ATP13A1: variants seen among roughly 807,000 people sequenced by gnomAD.
ATP13A1 encodes the protein ATPase 13A1.
ATP13A1 carries 55 observed loss-of-function variants against 134.8 expected under a neutral mutation model. The ratio of observed to expected loss-of-function variants is 0.41; its 90% CI spans 0.33 to 0.51. The LOEUF (loss-of-function observed/expected upper bound fraction) is 0.51. Ranked by LOEUF, ATP13A1 falls within the 20% of genes least tolerant of loss-of-function variation. ATP13A1 has a pLI of 0.29. For missense variants in ATP13A1, 1,389 were observed against 1,652.8 expected, an observed-to-expected ratio of 0.84 and a Z score of 2.77; for synonymous variants, 775 against 725.1, an observed-to-expected ratio of 1.07 and a Z score of -1.10.
intron 19 of ATP13A1, among the ~76,000 whole-genome samples, chr19:19,648,432 A>G: frequency 6.6e-6 from 1 of 151,666 alleles, no homozygotes; most frequent in East Asian, 1.9e-4. Flanking sequence ...GCAGATAAAT[A>G]TTGGAAAAGC....
rs935400158 is a variant in ATP13A1, at chr19:19,653,505, C to A, written c.2100+279G>T. ...TGAGAGGGCTGAGGATGCCACCTAG[C>A]CCTGCCCAAGACCAGGGCAAAAGAG... On this transcript the variant is annotated intron_variant, in intron 15 of 25. Coordinates refer to ENST00000357324, the MANE Select transcript of ATP13A1 (RefSeq NM_020410.3). The surrounding 1 kb of genome is among the most constrained non-coding windows in gnomAD (Gnocchi z 4.2). The A allele has an allele frequency of 8.6e-5, 42 of 489,972 alleles. 1 individual carries two copies. The Middle Eastern group carries it at 1.6e-3, about 19-fold the overall frequency. 30.4% of individuals were successfully genotyped at this position (489,972 alleles called of 1,614,324 possible).
In ATP13A1 at chr19:19,645,242, T is replaced by C. The variant is rs73537247; in HGVS notation, c.*180A>G. The C allele has an allele frequency of 0.016, 10,791 of 659,882 alleles. 887 individuals carry two copies. In the African/African-American group the frequency reaches 0.17, roughly 11 times the overall value. The allele number at this position is 659,882 out of a possible 1,614,324, so 40.9% of individuals were successfully genotyped here. A position where few individuals can be genotyped will look rare whatever the true frequency, so the allele number is the denominator to read the frequency against. On this transcript the variant is annotated 3_prime_UTR_variant, in exon 26 of 26. Coordinates refer to ENST00000357324, the MANE Select transcript of ATP13A1 (RefSeq NM_020410.3). The surrounding 1 kb of genome is among the most constrained non-coding windows in gnomAD (Gnocchi z 4.1). ...TGCTTTATTTACCAAAGGTGCTGGC[T>C]TGGGGCTGGTTCTGCTGGCCAAGCC...
In ATP13A1 at chr19:19,651,794, C is replaced by A; in HGVS notation, c.2230G>T (p.Val744Phe). The change falls in exon 17 of 26, where the codon GTC (valine) becomes TTC (phenylalanine). Residue 744 changes from valine to phenylalanine, a missense_variant. Around this residue, in one of 4 missense-constraint regions of ATP13A1, gnomAD observed 747 missense variants for 956.1 expected, o/e 0.78. Transcript: ENST00000357324. ...REIQNASHRV[V>F]MITGDNPLTA... Reference sequence around the variant, plus strand: ...AGCGGGTTGTCTCCCGTGATCATGACCACCTTGGGTAAAGAGGGGCAGAGG... The same window carrying A: ...AGCGGGTTGTCTCCCGTGATCATGAACACCTTGGGTAAAGAGGGGCAGAGG... 6.2e-7 allele frequency: 1 copy of A among 1,611,580 alleles called. No individual in the cohort carries two copies. The highest frequency in any genetic ancestry group is 2.2e-5 in the East Asian group (1 of 44,762).
chr19:19,653,801 G>C lies in ATP13A1; in HGVS notation c.2083C>G (p.His695Asp). The C allele has an allele frequency of 2.6e-6, 4 of 1,553,248 alleles. No individual in the cohort carries two copies. Among genetic ancestry groups the C allele is most frequent in the Non-Finnish European group, 3.5e-6 (4 of 1,148,148 alleles). The part of the protein sequence containing the change: ...VLALGYKELG[H>D]LTHQQAREVK... ...GCCCGTACCTGCTGGTGAGTGAGGT[G>C]TCCCAGCTCCTTGTACCCCAGCGCC... is the stretch of plus-strand genomic sequence containing the variant. The change falls in exon 15 of 26, where the codon CAC becomes GAC. Residue 695 changes from histidine (H) to aspartate (D), a missense_variant. By Grantham distance (81) the His-to-Asp change is moderately conservative (BLOSUM62 -1). Around this residue, in one of 4 missense-constraint regions of ATP13A1, gnomAD observed 747 missense variants for 956.1 expected, o/e 0.78. Transcript: ENST00000357324. This position sits in a 1 kb window ranked among gnomAD's most constrained non-coding sequence, Gnocchi z 4.2.
At chr19:19,659,829 C>G in intron 2 of ATP13A1, 38 bp from the exon 3 acceptor site, 1 of 1,605,066 alleles carries the variant, frequency 6.2e-7, no homozygotes, top group South Asian at 1.1e-5. Flanking sequence ...AGGCCCCTGA[C>G]CTTGGGGTGT....
intron 3 of ATP13A1, 127 bp downstream of exon 3, chr19:19,659,473 TA>T: frequency 4.0e-6 from 2 of 500,664 alleles, no homozygotes. Flanking sequence ...AAAAATAAAA[TA>T]AAAATAAAAT....
rs577721724 is a variant in ATP13A1, at chr19:19,651,675, G to A, written c.2335+14C>T. On this transcript the variant is annotated intron_variant, in intron 17 of 25. Transcript: ENST00000357324. ...GGTCCCCCTTCCCCACTGTGGGCCAGGCTAGGGCCTCACCTTTCTCGGAGG... is the reference window on the plus strand; with the variant it reads ...GGTCCCCCTTCCCCACTGTGGGCCAAGCTAGGGCCTCACCTTTCTCGGAGG... The A allele has an allele frequency of 2.9e-5, 46 of 1,604,150 alleles. 1 individual carries two copies. In the South Asian group the frequency reaches 4.1e-4, roughly 14 times the overall value.
At chr19:19,654,245 C>G (rs964118229) in intron 13 of ATP13A1, 101 bp from the exon 14 acceptor site, 10 of 1,276,410 alleles carry the variant, frequency 7.8e-6, no homozygotes, top group Non-Finnish European at 1.1e-5. Context: ...CCTGCCTCCC[C>G]CAGGGCCTGA....
rs868433584 is a variant in ATP13A1 at position 19,653,446 on chromosome 19, A to G, written c.2100+338T>C. ...CAAGCGGCAGATGTGCCGGTGGTGGAGGCGGAGGGTGGGCTTTGTGGAGGA... is the reference window on the plus strand; with the variant it reads ...CAAGCGGCAGATGTGCCGGTGGTGGGGGCGGAGGGTGGGCTTTGTGGAGGA... On this transcript the variant is annotated intron_variant, in intron 15 of 25. Transcript: ENST00000357324. This position sits in a 1 kb window ranked among gnomAD's most constrained non-coding sequence, Gnocchi z 4.2. The G allele has an allele frequency of 2.8e-6, 1 of 353,946 alleles. No individual in the cohort carries two copies. The highest frequency in any genetic ancestry group is 5.2e-6 in the Non-Finnish European group (1 of 191,992). 21.9% of individuals were successfully genotyped at this position (353,946 alleles called of 1,614,324 possible).
At chr19:19,662,282 G>C (rs978663213) in intron 1 of ATP13A1, 3 of 985,438 alleles carry the variant, frequency 3.0e-6, no homozygotes, top group Non-Finnish European at 3.6e-6. Context: ...CCCTGGGATA[G>C]ATAAGTCTTT....
chr19:19,657,261 T>A (rs1476083548), intron 4 of ATP13A1, 75 bp downstream of exon 4: 9 of 1,505,352 alleles, frequency 6.0e-6, no homozygotes, highest in Middle Eastern at 1.7e-4. Flanking sequence ...GGTTTAGAAG[T>A]GGTGGGCAGG....
chr19:19,652,092 A>G (rs1366340388), intron 16 of ATP13A1, among the ~76,000 whole-genome samples: 1 of 152,142 alleles, frequency 6.6e-6, no homozygotes, highest in East Asian at 1.9e-4. Flanking sequence ...CATGGGGGTA[A>G]TATTTCAGCA....
intron 23 of ATP13A1, 69 bp from the exon 24 acceptor site, chr19:19,646,054 C>A: frequency 6.3e-7 from 1 of 1,597,480 alleles, no homozygotes; most frequent in South Asian, 1.1e-5. Flanking sequence ...TGGCTTCCTG[C>A]TGCCCTGGCA....
intron 16 of ATP13A1, 91 bp downstream of exon 16, chr19:19,652,504 C>G: frequency 1.4e-6 from 2 of 1,480,182 alleles, no homozygotes; most frequent in Non-Finnish European, 1.8e-6. Flanking sequence ...GCCTGTGAGA[C>G]TTGGGTGCCC....
chr19:19,663,638 G>A lies in ATP13A1; in HGVS notation c.29C>T (p.Ala10Val), dbSNP rs765234563. ...GCAAGGCCGGGCCCCGCAGGGCACC[G>A]CGTTGCCCACCGCCGCCGCTGCCGC... MAAAAAVGN[A>V]VPCGARPCGV... The change falls in exon 1 of 26, where the codon GCG (alanine) becomes GTG (valine). Residue 10 changes from alanine (A) to valine (V), a missense_variant. By Grantham distance (64) the Ala-to-Val change is moderately conservative. This residue lies in a region of ATP13A1 where 293 missense variants were observed against 270.8 expected (regional missense o/e 1.08). Coordinates refer to ENST00000357324, the MANE Select transcript of ATP13A1 (RefSeq NM_020410.3). 2.6e-5 allele frequency: 34 copies of A among 1,307,522 alleles called. No homozygotes were observed. In the South Asian group the frequency reaches 6.2e-4, roughly 24 times the overall value. 81.0% of individuals were successfully genotyped at this position (1,307,522 alleles called of 1,614,324 possible). A position where few individuals can be genotyped will look rare whatever the true frequency, so the allele number is the denominator to read the frequency against.
In ATP13A1 at chr19:19,656,106, G is replaced by A. The variant is rs1194217845; in HGVS notation, c.1161C>T (p.Gly387=). The stretch of plus-strand genomic sequence containing the variant: ...GGGGGATGTGCTGCACCACCTTGGT[G>A]CCCCCGAAGATGACGTGCAGCCGGG... The part of the protein sequence containing the change: ...ADSRLHVIFG[G]TKVVQHIPPQ... The change falls in exon 8 of 26, where the codon GGC becomes GGT. Residue 387 remains glycine (G), a synonymous_variant. Coordinates refer to ENST00000357324, the MANE Select transcript of ATP13A1 (RefSeq NM_020410.3). The surrounding 1 kb of genome is among the most constrained non-coding windows in gnomAD (Gnocchi z 4.6). 5 of 1,613,578 alleles carry A rather than the reference G, an allele frequency of 3.1e-6. No homozygotes were observed. The Admixed American group carries it at 5.0e-5, about 16-fold the overall frequency.
intron 3 of ATP13A1, among the ~76,000 whole-genome samples, chr19:19,658,932 A>G (rs893340893): frequency 1.3e-5 from 2 of 151,920 alleles, no homozygotes; most frequent in Admixed American, 1.3e-4. Context: ...GCGAGACCCC[A>G]TCTCTACACA....
At position 19,657,013 on chromosome 19, in the gene ATP13A1, T is replaced by C. The variant is rs1402242269; in HGVS notation, c.887A>G (p.Asn296Ser). ...RNMSEIRKMG[N>S]KPHMIQVYRS... ...CCACACCTGGATCATGTGGGGCTTG[T>C]TGCCCATCTTCCGGATCTCCGACAT... The change falls in exon 5 of 26, where the codon AAC (asparagine) becomes AGC (serine). Residue 296 changes from asparagine (N) to serine (S), a missense_variant. Physicochemically the swap from Asn to Ser is conservative, Grantham distance 46. Around this residue, in one of 4 missense-constraint regions of ATP13A1, gnomAD observed 747 missense variants for 956.1 expected, o/e 0.78. Transcript: ENST00000357324. The C allele has an allele frequency of 3.2e-6, 5 of 1,585,958 alleles. No homozygotes were observed. The highest frequency in any genetic ancestry group is 3.6e-5 in the Admixed American group (2 of 56,012).
intron 16 of ATP13A1, among the ~76,000 whole-genome samples, chr19:19,652,205 C>T (rs1017185627): frequency 6.6e-6 from 1 of 152,142 alleles, no homozygotes. Flanking sequence ...TCACCCCTTA[C>T]ACCCTAAAAG....
Sources: allele counts gnomAD v4.1 joint callset (sites outside exome capture counted in the v4.1 genomes callset), GRCh38; gene constraint gnomAD v4.1.1; regional missense constraint gnomAD v4.1.1; non-coding constraint Gnocchi (gnomAD v3.1); transcripts MANE v1.5; gene names NCBI Gene and HGNC (gene_info 2026-07-23, HGNC 2026-07-21).